Variants in SMG7 observed in about 807,000 individuals in gnomAD.
The protein encoded by SMG7 is SMG7 nonsense mediated mRNA decay factor, also known as nonsense-mediated mRNA decay factor SMG7.
In SMG7, 34 loss-of-function variants were observed where a neutral mutation model predicts 148.2. That is an observed-to-expected ratio of 0.23 (90% CI 0.17 to 0.31). The LOEUF (loss-of-function observed/expected upper bound fraction) is 0.31, where lower values mean the gene tolerates loss of function less well. Ranked by LOEUF, SMG7 falls within the 10% of genes least tolerant of loss-of-function variation. SMG7 has a pLI of 1.00. For missense variants in SMG7, 1,114 were observed against 1,408.4 expected (o/e 0.79, Z 3.35); for synonymous variants, 492 against 515.1 (o/e 0.96, Z 0.61).
intron 13 of SMG7, among the ~76,000 whole-genome samples, chr1:183,541,550 A>G (rs984494936): frequency 5.9e-5 from 9 of 151,810 alleles, no homozygotes; most frequent in Non-Finnish European, 1.2e-4. Context: ...AGGTTTTGTA[A>G]TTCCATTGGT....
At chr1:183,477,474 G>A (rs546370920) in intron 1 of SMG7, among the ~76,000 whole-genome samples, 5 of 150,140 alleles carry the variant, frequency 3.3e-5, no homozygotes, top group South Asian at 2.1e-4. Context: ...GTGTATATAT[G>A]CATATATACA....
chr1:183,506,707 G>C (rs1046451272), intron 1 of SMG7, among the ~76,000 whole-genome samples: 1 of 150,598 alleles, frequency 6.6e-6, no homozygotes, highest in Admixed American at 6.6e-5. Context: ...AAATAAAAGA[G>C]AGTGATTCAC....
intron 13 of SMG7, 48 bp downstream of exon 13, chr1:183,541,151 TA>T: frequency 6.3e-7 from 1 of 1,586,562 alleles, no homozygotes; most frequent in South Asian, 1.1e-5. Context: ...CCTTTTTAGA[TA>T]AACACATGCG....
chr1:183,512,188 T>G (rs1245071714), intron 1 of SMG7, among the ~76,000 whole-genome samples: 1 of 152,076 alleles, frequency 6.6e-6, no homozygotes, highest in Non-Finnish European at 1.5e-5. Flanking sequence ...GTCTCAAAAT[T>G]GGTGCAAGGG....
At chr1:183,549,649 AT>A in intron 19 of SMG7, 114 bp from the exon 20 acceptor site, 1 of 802,216 alleles carries the variant, frequency 1.2e-6, no homozygotes, top group Non-Finnish European at 2.0e-6. Flanking sequence ...AGCCTTCAAA[AT>A]TTCTCTTCCT....
At chr1:183,541,298 A>G (rs1321328262) in intron 13 of SMG7, among the ~76,000 whole-genome samples, 195 bp downstream of exon 13, 1 of 152,278 alleles carries the variant, frequency 6.6e-6, no homozygotes, top group East Asian at 1.9e-4. Flanking sequence ...GAGTAAGTAT[A>G]CTCTTTATTT....
At chr1:183,545,855 A>C in intron 16 of SMG7, 111 bp from the exon 17 acceptor site, 32 of 1,284,116 alleles carry the variant, frequency 2.5e-5, no homozygotes, top group South Asian at 3.1e-5. Flanking sequence ...TGCCTTGCCT[A>C]GAGTTTTGTT....
intron 18 of SMG7, among the ~76,000 whole-genome samples, chr1:183,547,518 C>T (rs1202069935): frequency 1.3e-5 from 2 of 152,220 alleles, no homozygotes; most frequent in Non-Finnish European, 2.9e-5. Context: ...TGGTCACACA[C>T]ACGATGTGAT....
chr1:183,508,759 CA>C (rs756611347), intron 1 of SMG7, among the ~76,000 whole-genome samples: 1 of 152,046 alleles, frequency 6.6e-6, no homozygotes, highest in Non-Finnish European at 1.5e-5. Flanking sequence ...GTATATAAGC[CA>C]AACTTTGTTT....
In SMG7 at chr1:183,553,151, A is replaced by G; in HGVS notation, c.*1220A>G. 3 of 1,536,526 alleles carry G rather than the reference A, an allele frequency of 2.0e-6. No homozygotes were observed. The African/African-American group carries it at 4.1e-5, about 21-fold the overall frequency. ...ACGGACATGTGCCCATCAGGCACAG[A>G]AGAAAACACGACGTCGTCCATTTTG... On this transcript the variant is annotated 3_prime_UTR_variant, in exon 23 of 23. Coordinates refer to ENST00000688051, the MANE Select transcript of SMG7 (RefSeq NM_001375584.1).
intron 1 of SMG7, among the ~76,000 whole-genome samples, chr1:183,490,065 A>G (rs1404706391): frequency 2.6e-5 from 4 of 152,322 alleles, no homozygotes; most frequent in African/African-American, 9.6e-5. Context: ...TTGAAAAAAC[A>G]CTGGTAAAGT....
At chr1:183,542,969 G>GTT (rs1491018201) in intron 14 of SMG7, among the ~76,000 whole-genome samples, 1 of 140,570 alleles carries the variant, frequency 7.1e-6, no homozygotes, top group Non-Finnish European at 1.5e-5. Context: ...GTGTGTGTGT[G>GTT]TATTTTTTTT....
Position 183,550,858 on chromosome 1 carries a change from C to T in SMG7, c.3241C>T (p.Pro1081Ser). Residue 1081 changes from proline (P) to serine (S), a missense_variant, in exon 21 of 23, where the codon CCC (proline) becomes TCC (serine). Pro to Ser is a moderately conservative substitution (Grantham distance 74). Around this residue, in one of 4 missense-constraint regions of SMG7, gnomAD observed 788 missense variants for 894.5 expected, o/e 0.88. Coordinates refer to ENST00000688051, the MANE Select transcript of SMG7 (RefSeq NM_001375584.1). ...TTCTGTTCCATTCTCCAATTTTGGACCCATTGGGACTCCAGATAACAGGGA... is the reference window on the plus strand; with the variant it reads ...TTCTGTTCCATTCTCCAATTTTGGATCCATTGGGACTCCAGATAACAGGGA... ...HNSVPFSNFG[P>S]IGTPDNRDRR... 2 of 1,614,084 alleles carry T rather than the reference C, an allele frequency of 1.2e-6. No homozygotes were observed. The highest frequency in any genetic ancestry group is 2.7e-5 in the African/African-American group (2 of 75,036).
Position 183,529,007 on chromosome 1 carries a change from T to G in SMG7, c.672T>G (p.Thr224=), listed in dbSNP as rs768190515. The G allele has an allele frequency of 8.7e-6, 14 of 1,613,128 alleles. No individual in the cohort carries two copies. The highest frequency in any genetic ancestry group is 8.5e-7 in the Non-Finnish European group (1 of 1,179,544). Residue 224 remains threonine, a synonymous_variant, in exon 7 of 23, where the codon ACT becomes ACG. Transcript: ENST00000688051. The stretch of plus-strand genomic sequence containing the variant: ...AGTTCCCTTTCCCAGCTGCCTCCAC[T>G]AATCTGCAAAAAGCACTTTCTAAAG... ...AVKFPFPAAS[T]NLQKALSKAL...
Position 183,549,793 on chromosome 1 carries a change from T to C in SMG7, c.3003T>C (p.Asn1001=), listed in dbSNP as rs772054571. 1 of 1,613,890 alleles carries C rather than the reference T, an allele frequency of 6.2e-7. No homozygotes were observed. Among genetic ancestry groups the C allele is most frequent in the East Asian group, 2.2e-5 (1 of 44,860 alleles). ...QERYPNNSMF[N]EVYGKNLTSS... ...GATACCCAAATAATAGTATGTTCAA[T>C]GAGGTATATGGGAAAAACCTGACAT... Residue 1001 remains asparagine (N), a synonymous_variant, in exon 20 of 23, where the codon AAT becomes AAC. Transcript: ENST00000688051.
intron 1 of SMG7, among the ~76,000 whole-genome samples, chr1:183,492,223 AT>A (rs958261432): frequency 2.2e-4 from 33 of 152,230 alleles, no homozygotes; most frequent in Admixed American, 1.1e-3. Flanking sequence ...TTTGAGGTTA[AT>A]TTTTTTCTAG....
chr1:183,526,956 A>C (rs1213365643), intron 5 of SMG7, among the ~76,000 whole-genome samples, 189 bp downstream of exon 5: 2 of 152,256 alleles, frequency 1.3e-5, no homozygotes, highest in Admixed American at 1.3e-4. Context: ...AGCATCGTGA[A>C]GAAAGTAACT....
At chr1:183,524,698 G>C (rs1305288153) in intron 4 of SMG7, among the ~76,000 whole-genome samples, 1 of 152,128 alleles carries the variant, frequency 6.6e-6, no homozygotes, top group Non-Finnish European at 1.5e-5. Flanking sequence ...CCAGTCGCTT[G>C]ATTATTTCTG....
At chr1:183,491,144 A>AT (rs1656869816) in intron 1 of SMG7, among the ~76,000 whole-genome samples, 1 of 152,140 alleles carries the variant, frequency 6.6e-6, no homozygotes, top group East Asian at 1.9e-4. Context: ...CATTACTCTG[A>AT]TTTTTTTCAA....
Sources: allele counts gnomAD v4.1 joint callset (sites outside exome capture counted in the v4.1 genomes callset), GRCh38; gene constraint gnomAD v4.1.1; regional missense constraint gnomAD v4.1.1; transcripts MANE v1.5; gene names NCBI Gene and HGNC (gene_info 2026-07-23, HGNC 2026-07-21).